Variants in SNTG1 observed in about 807,000 individuals in gnomAD.
The protein encoded by SNTG1 is syntrophin gamma 1, also known as gamma-1-syntrophin.
SNTG1 carries 39 observed loss-of-function variants against 74.7 expected under a neutral mutation model. The observed-to-expected ratio is 0.52, with a 90% CI of 0.40 to 0.68. SNTG1 has a LOEUF of 0.68. SNTG1 is among the 30% of genes least tolerant of loss of function. SNTG1 has a pLI of 0.00. For missense variants in SNTG1, 685 were observed against 609.5 expected (o/e 1.12, Z -1.30); for synonymous variants, 254 against 217.1 (o/e 1.17, Z -1.49).
intron 1 of SNTG1, among the ~76,000 whole-genome samples, chr8:50,030,012 T>TA (rs1354592502): frequency 6.6e-6 from 1 of 152,156 alleles, no homozygotes; most frequent in African/African-American, 2.4e-5. Context: ...CAGCATTTTT[T>TA]ATTGCTTACC....
At chr8:50,227,525 C>G (rs1339823398) in intron 2 of SNTG1, among the ~76,000 whole-genome samples, 1 of 152,088 alleles carries the variant, frequency 6.6e-6, no homozygotes, top group Admixed American at 6.6e-5. Flanking sequence ...GAGAATATCT[C>G]TGGAGAAAAA....
intron 1 of SNTG1, among the ~76,000 whole-genome samples, chr8:50,110,417 C>A (rs1479901879): frequency 6.6e-6 from 1 of 152,144 alleles, no homozygotes; most frequent in Non-Finnish European, 1.5e-5. Context: ...CCATCATCAG[C>A]CTTCCTGGAA....
Position 50,521,291 on chromosome 8 carries a change from A to G in SNTG1, c.467-8886A>G, listed in dbSNP as rs183190589. 1.8e-3 allele frequency among the ~76,000 whole-genome samples: 276 copies of G among 152,242 alleles called. 4 individuals are homozygous for G. The highest frequency in any genetic ancestry group is 6.3e-3 in the African/African-American group (261 of 41,550). On this transcript the variant is annotated intron_variant, in intron 9 of 18. Transcript: ENST00000642720. ...TGGGGGCTGGGGGTCTAGGGGAGGG[A>G]TAGCATTAGGAGAAATGCCTAATGT...
intron 13 of SNTG1, among the ~76,000 whole-genome samples, chr8:50,653,464 G>A (rs1009680715): frequency 7.2e-5 from 11 of 152,180 alleles, no homozygotes; most frequent in Non-Finnish European, 1.0e-4. Flanking sequence ...ATAAGGTTGC[G>A]TTTATTCTAT....
At chr8:50,179,305 A>G (rs1051379874) in intron 2 of SNTG1, among the ~76,000 whole-genome samples, 2 of 152,190 alleles carry the variant, frequency 1.3e-5, no homozygotes, top group African/African-American at 4.8e-5. Context: ...TCAGGGTCCC[A>G]TATAACTTTA....
At chr8:50,497,530 A>G (rs1422201613) in intron 8 of SNTG1, among the ~76,000 whole-genome samples, 5 of 152,014 alleles carry the variant, frequency 3.3e-5, no homozygotes, top group African/African-American at 4.8e-5. Context: ...GTCAATACAA[A>G]TACATAAGCC....
rs141415804 is a variant in SNTG1, at chr8:50,763,648, TTGTGTGTGTGTGTGTG to T, written c.1395+11566_1395+11581del. On this transcript the variant is annotated intron_variant, in intron 18 of 18. Transcript: ENST00000642720. The stretch of plus-strand genomic sequence containing the variant: ...CTCTTTTGGCTCAAGATTGCCTTTA[TTGTGTGTGTGTGTGTG>T]TGTGTGTGTGTGTGTGTGTGTGTGT... Among the ~76,000 whole-genome samples the T allele has an allele frequency of 6.9e-3, 806 of 117,138 alleles. 7 individuals carry two copies. Among genetic ancestry groups the T allele is most frequent in the African/African-American group, 0.025 (755 of 30,272 alleles). 76.8% of individuals were successfully genotyped at this position (117,138 alleles called of 152,430 possible).
chr8:49,968,582 T>C (rs1811362910), intron 1 of SNTG1, among the ~76,000 whole-genome samples: 1 of 152,176 alleles, frequency 6.6e-6, no homozygotes, highest in Non-Finnish European at 1.5e-5. Context: ...GGTTTCTACA[T>C]GCAAAAGACA....
At chr8:50,185,145 A>G (rs1174602602) in intron 2 of SNTG1, among the ~76,000 whole-genome samples, 1 of 152,172 alleles carries the variant, frequency 6.6e-6, no homozygotes, top group Non-Finnish European at 1.5e-5. Context: ...AGTAATCCCC[A>G]CATGTCAAGG....
chr8:50,563,133 G>A lies in SNTG1; in HGVS notation c.810+9954G>A, dbSNP rs571389578. Among the ~76,000 whole-genome samples, 8 of 152,240 alleles carry A rather than the reference G, an allele frequency of 5.3e-5. No homozygotes were observed. In the South Asian group the frequency reaches 6.2e-4, roughly 12 times the overall value. Reference sequence around the variant, plus strand: ...TCAGGCAGTCACAACTGAGAAAGACGGCAACTGATCCCTGAGAGTGTCTGT... The same window carrying A: ...TCAGGCAGTCACAACTGAGAAAGACAGCAACTGATCCCTGAGAGTGTCTGT... On this transcript the variant is annotated intron_variant, in intron 12 of 18. Coordinates refer to ENST00000642720, the MANE Select transcript of SNTG1 (RefSeq NM_018967.5).
At chr8:50,251,834 G>A (rs2086659825) in intron 2 of SNTG1, among the ~76,000 whole-genome samples, 1 of 151,924 alleles carries the variant, frequency 6.6e-6, no homozygotes, top group African/African-American at 2.4e-5. Flanking sequence ...AGAAACAACA[G>A]ACTCAAACTA....
At chr8:50,741,724 A>C (rs1010468331) in intron 17 of SNTG1, among the ~76,000 whole-genome samples, 9 of 152,074 alleles carry the variant, frequency 5.9e-5, no homozygotes. Context: ...AAATGGCATG[A>C]TGGAAACAAA....
At chr8:50,681,552 T>A (rs2095330964) in intron 15 of SNTG1, among the ~76,000 whole-genome samples, 1 of 152,194 alleles carries the variant, frequency 6.6e-6, no homozygotes. Context: ...TTAACTGAAA[T>A]GTGTAAAACT....
At chr8:50,712,242 T>C (rs1441171184) in intron 17 of SNTG1, among the ~76,000 whole-genome samples, 1 of 152,054 alleles carries the variant, frequency 6.6e-6, no homozygotes, top group Non-Finnish European at 1.5e-5. Flanking sequence ...GGACATGGAA[T>C]TTGAGGGAAG....
At chr8:50,265,856 G>A (rs1386484887) in intron 2 of SNTG1, among the ~76,000 whole-genome samples, 1 of 151,706 alleles carries the variant, frequency 6.6e-6, no homozygotes, top group Non-Finnish European at 1.5e-5. Flanking sequence ...TCAAAAAAAT[G>A]AAATACTTTG....
intron 18 of SNTG1, among the ~76,000 whole-genome samples, chr8:50,777,041 T>C (rs998940883): frequency 6.6e-6 from 1 of 151,788 alleles, no homozygotes; most frequent in African/African-American, 2.4e-5. Context: ...AAGCTGACTA[T>C]GATGTGTCTT....
chr8:50,379,420 G>A (rs942541180), intron 2 of SNTG1, among the ~76,000 whole-genome samples: 9 of 152,152 alleles, frequency 5.9e-5, no homozygotes, highest in Non-Finnish European at 1.2e-4. Context: ...TGCCGATGGG[G>A]GGTCAGGGGC....
intron 2 of SNTG1, among the ~76,000 whole-genome samples, chr8:50,290,567 T>C (rs1171285676): frequency 1.3e-5 from 2 of 152,140 alleles, no homozygotes; most frequent in Non-Finnish European, 2.9e-5. Flanking sequence ...TTTTAGGTTT[T>C]TCCAGTTGTA....
At chr8:50,126,580 A>C (rs953263852) in intron 1 of SNTG1, among the ~76,000 whole-genome samples, 1 of 152,038 alleles carries the variant, frequency 6.6e-6, no homozygotes, top group African/African-American at 2.4e-5. Context: ...TTATATATAA[A>C]GCATATATAC....
Sources: allele counts gnomAD v4.1 joint callset (sites outside exome capture counted in the v4.1 genomes callset), GRCh38; gene constraint gnomAD v4.1.1; transcripts MANE v1.5; gene names NCBI Gene and HGNC (gene_info 2026-07-23, HGNC 2026-07-21).